The following PCDH9 variants were observed in gnomAD, a reference collection of about 807,000 sequenced individuals.
PCDH9 encodes the protein protocadherin 9, also known as protocadherin-9.
Under a neutral mutation model 70.6 loss-of-function variants are expected in PCDH9, and 24 were observed. The ratio of observed to expected loss-of-function variants is 0.34; its 90% CI spans 0.25 to 0.48. PCDH9 has a LOEUF of 0.48. Ranked by LOEUF, PCDH9 falls within the 20% of genes least tolerant of loss-of-function variation. PCDH9 has a pLI of 0.99. For missense variants in PCDH9, 1,281 were observed against 1,503.6 expected (o/e 0.85, Z 2.45); for synonymous variants, 562 against 558.5 (o/e 1.01, Z -0.09).
intron 3 of PCDH9, among the ~76,000 whole-genome samples, chr13:66,851,310 A>C (rs1594150493): frequency 6.6e-6 from 1 of 152,192 alleles, no homozygotes; most frequent in East Asian, 1.9e-4. Flanking sequence ...TTAAAACAGA[A>C]ATACAAATAA....
intron 3 of PCDH9, among the ~76,000 whole-genome samples, chr13:66,636,817 T>C (rs1390708028): frequency 1.3e-5 from 2 of 152,036 alleles, no homozygotes; most frequent in Admixed American, 6.5e-5. Context: ...TATGATGAAC[T>C]AAAATACAAA....
chr13:66,442,055 T>C (rs1163776453), intron 4 of PCDH9, among the ~76,000 whole-genome samples: 1 of 152,170 alleles, frequency 6.6e-6, no homozygotes, highest in Non-Finnish European at 1.5e-5. Context: ...ATCCACATCA[T>C]AAGTTTACAG....
Position 66,629,872 on chromosome 13 carries a change from C to CT in PCDH9, c.3340+1337dup, listed in dbSNP as rs1279492993. Among the ~76,000 whole-genome samples the CT allele has an allele frequency of 1.1e-4, 16 of 152,156 alleles. 2 individuals are homozygous for CT. In the South Asian group the frequency reaches 3.1e-3, roughly 30 times the overall value. ...AGGCATACCTTAGAAAGAATCTGTC[C>CT]TTTTTTTGACAAAAAGAAGCAGCTT... is the stretch of plus-strand genomic sequence containing the variant. On this transcript the variant is annotated intron_variant, in intron 4 of 4. Coordinates refer to ENST00000377865, the MANE Select transcript of PCDH9 (RefSeq NM_203487.3).
chr13:66,607,458 A>G (rs908849120), intron 4 of PCDH9, among the ~76,000 whole-genome samples: 11 of 152,088 alleles, frequency 7.2e-5, no homozygotes, highest in Non-Finnish European at 1.3e-4. Flanking sequence ...CAGTCTTCTG[A>G]GTAAAACATT....
intron 3 of PCDH9, among the ~76,000 whole-genome samples, chr13:66,874,942 T>TGTGTATGA (rs533672911): frequency 1.8e-5 from 2 of 109,934 alleles, no homozygotes; most frequent in Non-Finnish European, 4.5e-5. Flanking sequence ...TGTGTGTGTG[T>TGTGTATGA]GAGAGAGAGA....
intron 3 of PCDH9, among the ~76,000 whole-genome samples, chr13:66,681,192 T>C (rs2078314301): frequency 2.0e-5 from 3 of 152,146 alleles, no homozygotes; most frequent in Admixed American, 2.0e-4. Context: ...GTGTATTTGA[T>C]GAAATAAACC....
At chr13:66,590,862 CTT>C (rs2077030466) in intron 4 of PCDH9, among the ~76,000 whole-genome samples, 2 of 151,686 alleles carry the variant, frequency 1.3e-5, no homozygotes, top group Admixed American at 6.6e-5. Context: ...GATTTATTCT[CTT>C]CTTTCATTAA....
intron 4 of PCDH9, among the ~76,000 whole-genome samples, chr13:66,432,918 T>A (rs1329678165): frequency 1.3e-5 from 2 of 151,992 alleles, no homozygotes; most frequent in Non-Finnish European, 2.9e-5. Flanking sequence ...GGGCATAGAC[T>A]GTGCATACCA....
intron 4 of PCDH9, among the ~76,000 whole-genome samples, chr13:66,603,093 C>G (rs1354265953): frequency 6.9e-6 from 1 of 145,542 alleles, no homozygotes; most frequent in African/African-American, 2.5e-5. Flanking sequence ...GAACACATCC[C>G]CATCGTTAAG....
At chr13:66,647,612 G>T (rs752986965) in intron 3 of PCDH9, among the ~76,000 whole-genome samples, 2 of 152,072 alleles carry the variant, frequency 1.3e-5, no homozygotes, top group Non-Finnish European at 2.9e-5. Context: ...AGCTGTGACC[G>T]AGAACATTCC....
chr13:66,976,840 C>T (rs1367650821), intron 2 of PCDH9, among the ~76,000 whole-genome samples: 1 of 151,992 alleles, frequency 6.6e-6, no homozygotes, highest in African/African-American at 2.4e-5. Context: ...TTTATTTTAC[C>T]TTTGTTTTTA....
At chr13:66,661,632 A>T (rs958694506) in intron 3 of PCDH9, among the ~76,000 whole-genome samples, 1 of 152,224 alleles carries the variant, frequency 6.6e-6, no homozygotes, top group East Asian at 1.9e-4. Context: ...ATAAATTGAT[A>T]AAACTCACAC....
intron 4 of PCDH9, among the ~76,000 whole-genome samples, chr13:66,490,458 ATAAC>A (rs1959016278): frequency 6.6e-6 from 1 of 152,204 alleles, no homozygotes; most frequent in Non-Finnish European, 1.5e-5. Context: ...TTAAAAACAG[ATAAC>A]TAAAGTGGAA....
At chr13:66,893,754 T>C (rs1301730202) in intron 3 of PCDH9, among the ~76,000 whole-genome samples, 1 of 152,196 alleles carries the variant, frequency 6.6e-6, no homozygotes, top group Non-Finnish European at 1.5e-5. Flanking sequence ...TGCACTCTAA[T>C]ATAACCTAAT....
rs778024980 is a variant in PCDH9, at chr13:66,631,247, C to T, written c.3303G>A (p.Lys1101=). The T allele has an allele frequency of 6.2e-7, 1 of 1,610,642 alleles. No individual in the cohort carries two copies. Among genetic ancestry groups the T allele is most frequent in the Non-Finnish European group, 8.5e-7 (1 of 1,176,806 alleles). ...CAGAGTTGCCATCTGCTTCAGTCCT[C>T]TTGTCCGGAGAGGCCTGGTCATAGA... is the stretch of plus-strand genomic sequence containing the variant. The part of the protein sequence containing the change: ...DEFYDQASPD[K]RTEADGNSDP... Residue 1101 remains lysine, a synonymous_variant, in exon 4 of 5, where the codon AAG becomes AAA. Coordinates refer to ENST00000377865, the MANE Select transcript of PCDH9 (RefSeq NM_203487.3).
At chr13:66,768,115 T>C (rs1594033165) in intron 3 of PCDH9, among the ~76,000 whole-genome samples, 1 of 152,132 alleles carries the variant, frequency 6.6e-6, no homozygotes, top group Non-Finnish European at 1.5e-5. Flanking sequence ...AATCTTGTAT[T>C]TGATTTATTG....
At chr13:66,680,044 T>C (rs2078297233) in intron 3 of PCDH9, among the ~76,000 whole-genome samples, 1 of 151,976 alleles carries the variant, frequency 6.6e-6, no homozygotes, top group Admixed American at 6.6e-5. Context: ...TGCACATGTG[T>C]TTAAGAGTTC....
intron 3 of PCDH9, among the ~76,000 whole-genome samples, chr13:66,808,893 A>G (rs1282212294): frequency 1.3e-5 from 2 of 152,178 alleles, no homozygotes; most frequent in African/African-American, 4.8e-5. Context: ...TTGTATGTAC[A>G]TTATATTTTG....
At chr13:66,459,185 T>C (rs964264890) in intron 4 of PCDH9, among the ~76,000 whole-genome samples, 1 of 151,966 alleles carries the variant, frequency 6.6e-6, no homozygotes, top group Non-Finnish European at 1.5e-5. Context: ...TGTAAGTTGT[T>C]GCCTGTGGAG....
Sources: gnomAD v4.1 joint callset for allele counts (sites outside exome capture counted in the v4.1 genomes callset) on GRCh38, gnomAD v4.1.1 for gene constraint, MANE v1.5 for transcripts, NCBI Gene and HGNC (gene_info 2026-07-23, HGNC 2026-07-21) for gene names.